Variants in HYAL4 observed in about 807,000 individuals in gnomAD.
The protein encoded by HYAL4 is hyaluronidase 4.
HYAL4 carries 37 observed loss-of-function variants against 35.2 expected under a neutral mutation model. The observed-to-expected ratio is 1.05, with a 90% CI of 0.81 to 1.38. HYAL4 has a LOEUF of 1.38. Ranked by LOEUF, HYAL4 falls within the 40% of genes most tolerant of loss-of-function variation. The probability of loss-of-function intolerance (pLI) is 0.00; values close to 1 mark genes in which losing one functional copy is unlikely to be tolerated. For synonymous variants in HYAL4, 198 were observed against 203.2 expected, an observed-to-expected ratio of 0.97 and a Z score of 0.22; for missense variants, 572 against 572.4, an observed-to-expected ratio of 1.00 and a Z score of 0.01.
At chr7:123,844,693 C>T (rs74575811), upstream of HYAL4, among the ~76,000 whole-genome samples, 4,549 of 152,198 alleles carry the variant, frequency 0.03, 221 homozygotes, top group African/African-American at 0.1. Context: ...CCACCCAGTT[C>T]GAGTTTCCTA....
chr7:123,793,034 A>G, the HYAL4 span, among the ~76,000 whole-genome samples: 3 of 152,196 alleles, frequency 2.0e-5, no homozygotes, highest in African/African-American at 7.2e-5. Flanking sequence ...TTGGTGGACC[A>G]GGATTGAGCT....
the HYAL4 span, among the ~76,000 whole-genome samples, chr7:123,793,437 T>C: frequency 5.3e-5 from 8 of 152,222 alleles, 1 homozygote; most frequent in South Asian, 1.2e-3. Context: ...CTATCTGATA[T>C]GGTTTTGCTG....
chr7:123,841,041 A>T (rs1408910759), upstream of HYAL4, among the ~76,000 whole-genome samples: 2 of 151,956 alleles, frequency 1.3e-5, 1 homozygote, highest in Non-Finnish European at 2.9e-5. Context: ...AGGAGTGGTG[A>T]GAGAGGGCAT....
At chr7:123,819,183 C>T in the HYAL4 span, among the ~76,000 whole-genome samples, 19,653 of 152,088 alleles carry the variant, frequency 0.13, 1,342 homozygotes, top group Non-Finnish European at 0.14. Flanking sequence ...AGTGAGATCA[C>T]GCAGTATTTA....
intron 2 of HYAL4, among the ~76,000 whole-genome samples, chr7:123,848,980 A>G (rs1042338076): frequency 1.3e-5 from 2 of 152,176 alleles, no homozygotes; most frequent in African/African-American, 4.8e-5. Flanking sequence ...GGGAGAGGAT[A>G]AATAAATAAA....
chr7:123,806,015 A>T, the HYAL4 span, among the ~76,000 whole-genome samples: 1 of 152,176 alleles, frequency 6.6e-6, no homozygotes, highest in East Asian at 1.9e-4. Flanking sequence ...TAAATGAGTA[A>T]ATAAAATAAA....
At chr7:123,781,655 A>G in the HYAL4 span, among the ~76,000 whole-genome samples, 1 of 152,190 alleles carries the variant, frequency 6.6e-6, no homozygotes, top group Non-Finnish European at 1.5e-5. Flanking sequence ...GGCTATATGT[A>G]TAAAATACAC....
the HYAL4 span, among the ~76,000 whole-genome samples, chr7:123,813,827 T>C: frequency 6.6e-6 from 1 of 152,196 alleles, no homozygotes; most frequent in Non-Finnish European, 1.5e-5. Context: ...TTAGAGCCAG[T>C]GAAGGCTTGT....
intron 1 of HYAL4, among the ~76,000 whole-genome samples, chr7:123,838,371 C>G (rs1806001556): frequency 6.6e-6 from 1 of 151,060 alleles, no homozygotes; most frequent in African/African-American, 2.4e-5. Flanking sequence ...TGAAAAACTA[C>G]TATTACATAA....
the HYAL4 span, among the ~76,000 whole-genome samples, chr7:123,772,060 G>A: frequency 6.6e-6 from 1 of 152,062 alleles, no homozygotes; most frequent in South Asian, 2.1e-4. Context: ...TCAGGCCTTT[G>A]AACTCAGACT....
At chr7:123,851,045 G>A (rs1027452499) in intron 2 of HYAL4, among the ~76,000 whole-genome samples, 1 of 152,116 alleles carries the variant, frequency 6.6e-6, no homozygotes, top group African/African-American at 2.4e-5. Context: ...GTATGAAAAA[G>A]TATTTCTTCA....
chr7:123,822,375 C>G, the HYAL4 span, among the ~76,000 whole-genome samples: 2 of 151,758 alleles, frequency 1.3e-5, no homozygotes, highest in Non-Finnish European at 2.9e-5. Flanking sequence ...TAAGTTTATT[C>G]CTAAGTATTT....
intron 2 of HYAL4, among the ~76,000 whole-genome samples, chr7:123,860,791 A>T (rs534202375): frequency 5.3e-5 from 8 of 152,328 alleles, no homozygotes; most frequent in Non-Finnish European, 8.8e-5. Context: ...AGAAATTTCC[A>T]GTCTTCTGTT....
At chr7:123,782,497 T>C in the HYAL4 span, among the ~76,000 whole-genome samples, 1 of 152,164 alleles carries the variant, frequency 6.6e-6, no homozygotes, top group Non-Finnish European at 1.5e-5. Flanking sequence ...GCCATATTGA[T>C]TTAGTTTTTT....
At chr7:123,829,277 AGAGT>A (rs1470660391) in intron 1 of HYAL4, 1 of 152,232 alleles carries the variant, frequency 6.6e-6, no homozygotes, top group African/African-American at 2.4e-5. Flanking sequence ...AGATCTCCTA[AGAGT>A]GATGAATAAG....
the HYAL4 span, among the ~76,000 whole-genome samples, chr7:123,777,909 T>A: frequency 6.6e-6 from 1 of 151,386 alleles, no homozygotes; most frequent in African/African-American, 2.4e-5. Flanking sequence ...CAGGGCAAAA[T>A]TCTTCGTTAG....
At chr7:123,836,499 G>A (rs1238512821) in intron 1 of HYAL4, among the ~76,000 whole-genome samples, 2 of 152,152 alleles carry the variant, frequency 1.3e-5, no homozygotes, top group Non-Finnish European at 2.9e-5. Flanking sequence ...CCTGAAGGCA[G>A]CATTGATAGT....
the HYAL4 span, among the ~76,000 whole-genome samples, chr7:123,784,270 A>G: frequency 6.6e-6 from 1 of 152,230 alleles, no homozygotes; most frequent in East Asian, 1.9e-4. Flanking sequence ...GAAATTTAGC[A>G]CAGACTTTGT....
chr7:123,812,350 AAAT>A, the HYAL4 span, among the ~76,000 whole-genome samples: 45 of 149,054 alleles, frequency 3.0e-4, no homozygotes, highest in Non-Finnish European at 5.8e-4. Flanking sequence ...TAGCTAGAAA[AAAT>A]AAAATCTCAG....
Sources: gnomAD v4.1 joint callset for allele counts (sites outside exome capture counted in the v4.1 genomes callset) on GRCh38, gnomAD v4.1.1 for gene constraint, MANE v1.5 for transcripts, NCBI Gene and HGNC (gene_info 2026-07-23, HGNC 2026-07-21) for gene names.